The following RUBCN variants were observed in gnomAD, a reference collection of about 807,000 sequenced individuals.
RUBCN encodes run domain Beclin-1-interacting and cysteine-rich domain-containing protein.
RUBCN carries 74 observed loss-of-function variants against 113.2 expected under a neutral mutation model. The ratio of observed to expected loss-of-function variants is 0.65; its 90% confidence interval spans 0.54 to 0.79. The LOEUF is 0.79. Among genes scored for constraint, RUBCN ranks in the 30% least tolerant of loss-of-function variants. The pLI is 0.00. For missense variants in RUBCN, 1,109 were observed against 1,251.7 expected, an observed-to-expected ratio of 0.89 and a Z score of 1.72; for synonymous variants, 480 against 490.0, an observed-to-expected ratio of 0.98 and a Z score of 0.27.
intron 11 of RUBCN, among the ~76,000 whole-genome samples, chr3:197,692,595 T>C (rs1320689088): frequency 1.3e-5 from 2 of 152,004 alleles, no homozygotes; most frequent in Admixed American, 1.3e-4. Context: ...CAGAGCTAAA[T>C]TGTAAGTCAC....
chr3:197,693,798 C>T lies in RUBCN; in HGVS notation c.1703G>A (p.Ser568Asn). ...ATCACGTGAGCTGAACTGGGAGCTG[C>T]TGGAGGTGACCCGAAAGCCTGTTAT... ...AEHGSFRVTS[S>N]SSQFSSRDSA... Residue 568 changes from serine to asparagine, a missense_variant, in exon 11 of 20, where the codon AGC (serine) becomes AAC (asparagine). Around this residue, in one of 3 missense-constraint regions of RUBCN, gnomAD observed 736 missense variants for 779.6 expected, o/e 0.94. Coordinates refer to ENST00000296343, the MANE Select transcript of RUBCN (RefSeq NM_014687.4). The T allele has an allele frequency of 1.9e-6, 3 of 1,613,954 alleles. No homozygotes were observed. The highest frequency in any genetic ancestry group is 2.5e-6 in the Non-Finnish European group (3 of 1,179,826).
intron 1 of RUBCN, among the ~76,000 whole-genome samples, chr3:197,721,710 T>C (rs1374583539): frequency 1.3e-5 from 2 of 152,158 alleles, no homozygotes; most frequent in African/African-American, 4.8e-5. Flanking sequence ...TACTTTTTGA[T>C]ATAGATGTTA....
chr3:197,711,684 TA>T (rs945353534), intron 2 of RUBCN, among the ~76,000 whole-genome samples: 29 of 148,956 alleles, frequency 1.9e-4, no homozygotes, highest in Non-Finnish European at 3.1e-4. Context: ...AATTTTTAAT[TA>T]AAAAAAAAAA....
At chr3:197,722,407 A>G (rs1239846656) in intron 1 of RUBCN, among the ~76,000 whole-genome samples, 1 of 151,986 alleles carries the variant, frequency 6.6e-6, no homozygotes, top group Non-Finnish European at 1.5e-5. Context: ...AATGTTCTGT[A>G]GATGTCTGTT....
intron 7 of RUBCN, among the ~76,000 whole-genome samples, chr3:197,699,745 C>T (rs543284345): frequency 1.3e-5 from 2 of 152,238 alleles, no homozygotes; most frequent in East Asian, 3.9e-4. Flanking sequence ...CTCACCTTTC[C>T]AGAAATTACA....
intron 5 of RUBCN, among the ~76,000 whole-genome samples, chr3:197,703,124 C>A (rs1019120914): frequency 2.6e-5 from 4 of 151,988 alleles, no homozygotes; most frequent in African/African-American, 7.3e-5. Context: ...GCTGGCCGGG[C>A]GCGGTGGCTC....
In RUBCN at chr3:197,677,052, C is replaced by G. The variant is rs780453223; in HGVS notation, c.2493-14G>C. On this transcript the variant is annotated splice_polypyrimidine_tract_variant and intron_variant, in intron 17 of 19. Transcript: ENST00000296343. ...GAATCCAGAAGCCTACAGGGAGTGA[C>G]AGGAGGCAGGTGAGGGAATGAACAG... The G allele has an allele frequency of 6.2e-7, 1 of 1,612,384 alleles. No homozygotes were observed. The highest frequency in any genetic ancestry group is 8.5e-7 in the Non-Finnish European group (1 of 1,179,516).
At chr3:197,709,686 G>A (rs1724737093) in intron 2 of RUBCN, among the ~76,000 whole-genome samples, 1 of 152,008 alleles carries the variant, frequency 6.6e-6, no homozygotes, top group South Asian at 2.1e-4. Context: ...GGCCTGAAAA[G>A]CTACTATATT....
chr3:197,731,101 G>T (rs535646329), intron 1 of RUBCN, among the ~76,000 whole-genome samples: 1 of 151,654 alleles, frequency 6.6e-6, no homozygotes, highest in Non-Finnish European at 1.5e-5. Context: ...ATAAACAAGT[G>T]AACAAAGGTC....
At chr3:197,680,517 G>A (rs1203411151) in intron 16 of RUBCN, among the ~76,000 whole-genome samples, 2 of 151,856 alleles carry the variant, frequency 1.3e-5, no homozygotes, top group African/African-American at 4.8e-5. Flanking sequence ...GCTTCAGACT[G>A]TCCTACGCTC....
At chr3:197,711,225 C>T (rs1442305000) in intron 2 of RUBCN, among the ~76,000 whole-genome samples, 2 of 152,122 alleles carry the variant, frequency 1.3e-5, no homozygotes, top group Non-Finnish European at 2.9e-5. Flanking sequence ...AGGAATTTAT[C>T]CTACGGTAAA....
In RUBCN at chr3:197,682,545, C is replaced by T. The variant is rs376918359; in HGVS notation, c.2051G>A (p.Arg684Gln). The change falls in exon 14 of 20, where the codon CGG (arginine) becomes CAG (glutamine). Residue 684 changes from arginine to glutamine, a missense_variant. By Grantham distance (43) the Arg-to-Gln change is conservative. This residue lies in a region of RUBCN where 67 missense variants were observed against 123.2 expected (regional missense o/e 0.54). Transcript: ENST00000296343. ...CTCCAAGTTGCCACGAACACGAATC[C>T]GCAGCTTGTAGATGTCAGCGTGCTG... is the stretch of plus-strand genomic sequence containing the variant. ...DGQHADIYKLRIRVRGNLEWA... is the reference protein window; with the variant it reads ...DGQHADIYKLQIRVRGNLEWA... 120 of 1,613,950 alleles carry T rather than the reference C, an allele frequency of 7.4e-5. No individual in the cohort carries two copies. The highest frequency in any genetic ancestry group is 1.6e-4 in the Middle Eastern group (1 of 6,084).
rs1319522035 is a variant in RUBCN, at chr3:197,670,318, C to G, written c.*4700G>C. Among the ~76,000 whole-genome samples, 3 of 152,206 alleles carry G rather than the reference C, an allele frequency of 2.0e-5. No homozygotes were observed. Among genetic ancestry groups the G allele is most frequent in the Non-Finnish European group, 1.5e-5 (1 of 68,026 alleles). On this transcript the variant is annotated 3_prime_UTR_variant, in exon 20 of 20. Transcript: ENST00000296343. ...AATATTCTGTGATTCTTTGTACTCTCAGCTCTGGCATGGTGTCTGGAACAC... is the reference window on the plus strand; with the variant it reads ...AATATTCTGTGATTCTTTGTACTCTGAGCTCTGGCATGGTGTCTGGAACAC...
At chr3:197,737,082 A>C, upstream of RUBCN, 2 of 436,258 alleles carry the variant, frequency 4.6e-6, no homozygotes, top group Non-Finnish European at 6.8e-6. Flanking sequence ...CGCGCCCTCC[A>C]ATCCCAGGCC....
In RUBCN at chr3:197,682,453, A is replaced by T; in HGVS notation, c.2126+17T>A. ...GACGGATCTGTGCTCCAAAGGGCACAGACACTGGCCACTCACGTTGGGGCT... is the reference window on the plus strand; with the variant it reads ...GACGGATCTGTGCTCCAAAGGGCACTGACACTGGCCACTCACGTTGGGGCT... On this transcript the variant is annotated intron_variant, in intron 14 of 19. Coordinates refer to ENST00000296343, the MANE Select transcript of RUBCN (RefSeq NM_014687.4). 2 of 1,614,138 alleles carry T rather than the reference A, an allele frequency of 1.2e-6. No homozygotes were observed. The highest frequency in any genetic ancestry group is 1.7e-6 in the Non-Finnish European group (2 of 1,180,000).
At chr3:197,736,594 C>G in intron 1 of RUBCN, 61 bp downstream of exon 1, 1 of 1,507,794 alleles carries the variant, frequency 6.6e-7, no homozygotes, top group Non-Finnish European at 8.9e-7. Context: ...CGCGCCCTCC[C>G]AAGCCTCCCG....
intron 2 of RUBCN, among the ~76,000 whole-genome samples, chr3:197,708,554 CAA>C (rs113534449): frequency 0.063 from 4,695 of 74,482 alleles, 153 homozygotes; most frequent in African/African-American, 0.14. Context: ...GTGGTAGACT[CAA>C]AAAAAAAAAA....
intron 9 of RUBCN, 66 bp downstream of exon 9, chr3:197,695,800 G>T: frequency 7.2e-7 from 1 of 1,384,874 alleles, no homozygotes; most frequent in Non-Finnish European, 1.0e-6. Context: ...AGAACAAATG[G>T]CACCACAGAC....
chr3:197,681,438 T>C lies in RUBCN; in HGVS notation c.2192-71A>G. On this transcript the variant is annotated intron_variant, in intron 15 of 19. Transcript: ENST00000296343. The surrounding 1 kb of genome is among the most constrained non-coding windows in gnomAD (Gnocchi z 5.5). The stretch of plus-strand genomic sequence containing the variant: ...TACAAGCTGGGAAGGCAGCTCTGCT[T>C]TTCCCTTGAAAGGGCAGAGAGGGAC... 2.5e-6 allele frequency: 3 copies of C among 1,221,140 alleles called. No homozygotes were observed. Among genetic ancestry groups the C allele is most frequent in the Non-Finnish European group, 2.4e-6 (2 of 829,666 alleles). 75.6% of individuals were successfully genotyped at this position (1,221,140 alleles called of 1,614,324 possible). A position where few individuals can be genotyped will look rare whatever the true frequency, so the allele number is the denominator to read the frequency against.
Sources: allele counts gnomAD v4.1 joint callset (sites outside exome capture counted in the v4.1 genomes callset), GRCh38; gene constraint gnomAD v4.1.1; regional missense constraint gnomAD v4.1.1; non-coding constraint Gnocchi (gnomAD v3.1); transcripts MANE v1.5; gene names NCBI Gene and HGNC (gene_info 2026-07-23, HGNC 2026-07-21).